The following SSX7 variants were observed in gnomAD, a reference collection of about 807,000 sequenced individuals.
The protein encoded by SSX7 is SSX family member 7, also known as protein SSX7.
Under a neutral mutation model 14.7 loss-of-function variants are expected in SSX7, and 15 were observed. The ratio of observed to expected loss-of-function variants is 1.02; its 90% CI spans 0.68 to 1.58. SSX7 has a LOEUF of 1.58. Ranked by LOEUF, SSX7 falls within the 40% of genes most tolerant of loss-of-function variation. The pLI is 0.00. For synonymous variants in SSX7, 46 were observed against 50.6 expected, an observed-to-expected ratio of 0.91 and a Z score of 0.38; for missense variants, 178 against 146.8, an observed-to-expected ratio of 1.21 and a Z score of -1.10.
At chrX:52,653,104 C>T in intron 2 of SSX7, 120 bp from the exon 3 acceptor site, 12 of 1,168,968 alleles carry the variant, frequency 1.0e-5, no homozygotes, top group Non-Finnish European at 1.4e-5. Flanking sequence ...GGCTAACCGA[C>T]AACATGAGCG....
intron 5 of SSX7, among the ~76,000 whole-genome samples, chrX:52,648,703 T>C (rs1361925270): frequency 7.2e-5 from 8 of 111,707 alleles, no homozygotes; most frequent in Middle Eastern, 4.2e-3. Flanking sequence ...ATAGCATTTT[T>C]AAAATTCACA....
intron 6 of SSX7, 81 bp from the exon 7 acceptor site, chrX:52,645,624 C>A: frequency 1.2e-6 from 1 of 816,989 alleles, no homozygotes; most frequent in Non-Finnish European, 1.7e-6. Flanking sequence ...AAAGGAGATG[C>A]CTCCCCCCTC....
At chrX:52,649,028 C>CTT (rs782343480) in intron 5 of SSX7, among the ~76,000 whole-genome samples, 2 of 106,995 alleles carry the variant, frequency 1.9e-5, no homozygotes, top group Non-Finnish European at 3.9e-5. Context: ...TCTTAAGCTA[C>CTT]TTTTTTTTTT....
chrX:52,652,579 G>A (rs1293807863), intron 3 of SSX7, among the ~76,000 whole-genome samples: 1 of 110,136 alleles, frequency 9.1e-6, no homozygotes, highest in Non-Finnish European at 1.9e-5. Flanking sequence ...AGAGAAGGAA[G>A]GTAGGGACGG....
intron 1 of SSX7, 90 bp from the exon 2 acceptor site, chrX:52,653,582 C>G: frequency 9.4e-7 from 1 of 1,068,522 alleles, no homozygotes; most frequent in Non-Finnish European, 1.3e-6. Flanking sequence ...CCCTCAGTCA[C>G]CTGGAATCAG....
At position 52,648,475 on chromosome X, in the gene SSX7, A is replaced by G. The variant is rs1311703459; in HGVS notation, c.331-79T>C. On this transcript the variant is annotated intron_variant, in intron 5 of 7. Coordinates refer to ENST00000298181, the MANE Select transcript of SSX7 (RefSeq NM_173358.2). ...TTTAGAGCTTACAAAGCGTCTTCAC[A>G]TGCATTACCTTAATCAATGTTCTCA... The G allele has an allele frequency of 5.2e-6, 6 of 1,155,828 alleles. No individual in the cohort carries two copies. The African/African-American group carries it at 7.2e-5, about 14-fold the overall frequency.
chrX:52,648,546 G>A (rs1249374400), intron 5 of SSX7, 150 bp from the exon 6 acceptor site: 2 of 907,739 alleles, frequency 2.2e-6, no homozygotes, highest in African/African-American at 4.0e-5. Flanking sequence ...AGAAACCTGG[G>A]AAGTTAGACG....
chrX:52,651,854 G>A (rs1362176037), intron 4 of SSX7, among the ~76,000 whole-genome samples: 3 of 110,666 alleles, frequency 2.7e-5, no homozygotes, highest in African/African-American at 6.6e-5. Context: ...TACCCTGGCC[G>A]AGAAGAGTGA....
chrX:52,649,403 T>C (rs1925357630), intron 5 of SSX7, among the ~76,000 whole-genome samples: 1 of 112,011 alleles, frequency 8.9e-6, no homozygotes, highest in Non-Finnish European at 1.9e-5. Flanking sequence ...TACGGGAAAG[T>C]CCTCTCTGAG....
intron 4 of SSX7, among the ~76,000 whole-genome samples, chrX:52,651,350 G>T (rs1222234443): frequency 8.9e-6 from 1 of 112,217 alleles, no homozygotes; most frequent in African/African-American, 3.2e-5. Context: ...AACTCTGGAA[G>T]TTTTTGGCGA....
intron 7 of SSX7, among the ~76,000 whole-genome samples, chrX:52,645,197 T>C (rs1469735319): frequency 9.5e-6 from 1 of 105,799 alleles, no homozygotes; most frequent in Admixed American, 1.0e-4. Context: ...CGTGAACCCG[T>C]GAGGCGGAGC....
chrX:52,649,846 G>A (rs1170478970), intron 5 of SSX7, among the ~76,000 whole-genome samples: 4 of 112,404 alleles, frequency 3.6e-5, no homozygotes, highest in South Asian at 7.4e-4. Context: ...TAAATGGCTT[G>A]GAGCTCTGGA....
At position 52,648,330 on chromosome X, in the gene SSX7, G is replaced by A; in HGVS notation, c.397C>T (p.Gln133Ter). Residue 133 changes from glutamine (Q) to a stop codon, truncating the protein, a stop_gained, in exon 6 of 8, where the codon CAG becomes TAG. Coordinates refer to ENST00000298181, the MANE Select transcript of SSX7 (RefSeq NM_173358.2). LOFTEE classifies it high-confidence loss of function. ...GGGCACAGGTGTTTCCCATCGTTCT[G>A]TGAGCCAGATGCTTCTGGCACTCCC... is the stretch of plus-strand genomic sequence containing the variant. The part of the protein sequence containing the change: ...SKGVPEASGS[Q>*]NDGKHLCPPG... 8.3e-7 allele frequency: 1 copy of A among 1,211,772 alleles called. No individual in the cohort carries two copies. Among genetic ancestry groups the A allele is most frequent in the Non-Finnish European group, 1.1e-6 (1 of 895,492 alleles).
intron 1 of SSX7, among the ~76,000 whole-genome samples, chrX:52,654,009 C>T (rs1302153554): frequency 9.0e-6 from 1 of 110,970 alleles, no homozygotes; most frequent in Admixed American, 9.7e-5. Flanking sequence ...GATTTAGAGG[C>T]TATTACTGGG....
intron 4 of SSX7, among the ~76,000 whole-genome samples, chrX:52,651,696 T>C (rs1425362458): frequency 7.2e-5 from 8 of 110,668 alleles, no homozygotes; most frequent in Non-Finnish European, 1.3e-4. Flanking sequence ...GTCAACATGG[T>C]AAAACCCCGT....
chrX:52,647,301 A>G (rs1410697686), intron 6 of SSX7, among the ~76,000 whole-genome samples: 2 of 112,677 alleles, frequency 1.8e-5, no homozygotes, highest in African/African-American at 3.2e-5. Flanking sequence ...AGTTATCCAG[A>G]AGATCTAGCT....
chrX:52,649,273 T>TG (rs1925350124), intron 5 of SSX7, among the ~76,000 whole-genome samples: 8 of 111,259 alleles, frequency 7.2e-5, no homozygotes, highest in Non-Finnish European at 3.8e-5. Flanking sequence ...TAGTGATCCA[T>TG]CCACCTCAGC....
chrX:52,651,636 A>G (rs1925433173), intron 4 of SSX7, among the ~76,000 whole-genome samples: 1 of 111,491 alleles, frequency 9.0e-6, no homozygotes, highest in South Asian at 3.8e-4. Flanking sequence ...GCACTTTGGG[A>G]GGCTGAGGCA....
chrX:52,651,874 T>C (rs1267331364), intron 4 of SSX7, among the ~76,000 whole-genome samples: 2 of 109,745 alleles, frequency 1.8e-5, no homozygotes, highest in Non-Finnish European at 3.8e-5. Context: ...AAACTCCATC[T>C]CAAAAACAAA....
Sources: gnomAD v4.1 joint callset for allele counts (sites outside exome capture counted in the v4.1 genomes callset) on GRCh38, gnomAD v4.1.1 for gene constraint, MANE v1.5 for transcripts, NCBI Gene and HGNC (gene_info 2026-07-23, HGNC 2026-07-21) for gene names.